ARHGAP28: variants seen among roughly 807,000 people sequenced by gnomAD.
ARHGAP28 encodes rho GTPase-activating protein 28.
ARHGAP28 carries 56 observed loss-of-function variants against 90.7 expected under a neutral mutation model. The observed-to-expected ratio is 0.62, with a 90% CI of 0.50 to 0.77. ARHGAP28 has a LOEUF of 0.77. Ranked by LOEUF, ARHGAP28 falls within the 30% of genes least tolerant of loss-of-function variation. The pLI is 0.00. For missense variants in ARHGAP28, 869 were observed against 900.9 expected (o/e 0.96, Z 0.45); for synonymous variants, 308 against 323.3 (o/e 0.95, Z 0.51).
chr18:6,805,751 C>T (rs2056514366), intron 1 of ARHGAP28, among the ~76,000 whole-genome samples: 1 of 152,022 alleles, frequency 6.6e-6, no homozygotes, highest in Admixed American at 6.6e-5. Flanking sequence ...CTCCTAAGTG[C>T]TGGGATTACT....
chr18:6,772,246 A>C (rs2056248715), intron 1 of ARHGAP28, among the ~76,000 whole-genome samples: 1 of 152,224 alleles, frequency 6.6e-6, no homozygotes. Flanking sequence ...TCATTTGTAC[A>C]TTAACCATCT....
At chr18:6,757,984 C>G (rs2143306372) in intron 1 of ARHGAP28, among the ~76,000 whole-genome samples, 1 of 152,268 alleles carries the variant, frequency 6.6e-6, no homozygotes, top group South Asian at 2.1e-4. Context: ...CATTCCTAAG[C>G]CGAGCTATAA....
chr18:6,830,946 T>C (rs1444712105), intron 2 of ARHGAP28, among the ~76,000 whole-genome samples: 1 of 152,206 alleles, frequency 6.6e-6, no homozygotes, highest in East Asian at 1.9e-4. Context: ...TATGTTTTTA[T>C]TTCTCTTGGA....
chr18:6,783,663 A>C (rs1013124267), intron 1 of ARHGAP28, among the ~76,000 whole-genome samples: 1 of 151,980 alleles, frequency 6.6e-6, no homozygotes, highest in Non-Finnish European at 1.5e-5. Flanking sequence ...GTTCACTCTT[A>C]CTCTCCTACA....
intron 1 of ARHGAP28, among the ~76,000 whole-genome samples, chr18:6,754,264 C>T (rs1391155910): frequency 1.3e-5 from 2 of 152,172 alleles, no homozygotes; most frequent in African/African-American, 2.4e-5. Flanking sequence ...AATCCAACAA[C>T]TATTATGGCA....
At chr18:6,782,592 ATTTTTTTTTTTTTTTTT>A (rs10602816) in intron 1 of ARHGAP28, among the ~76,000 whole-genome samples, 147 of 26,694 alleles carry the variant, frequency 5.5e-3, no homozygotes, top group African/African-American at 0.013. Flanking sequence ...TAATTTTTGT[ATTTTTTTTTTTTTTTTT>A]TTTTTTTTTT....
chr18:6,859,876 G>T lies in ARHGAP28; in HGVS notation c.705G>T (p.Ala235=), dbSNP rs139585259. 1.9e-6 allele frequency: 3 copies of T among 1,614,014 alleles called. No homozygotes were observed. The African/African-American group carries it at 4.0e-5, about 22-fold the overall frequency. ...CCCAGGATAAAGAAGGGAGTTTTGC[G>T]GTTCCCAGGAGTGACTCTGTGGTAA... ...DASQDKEGSF[A]VPRSDSVAIL... The change falls in exon 5 of 18, where the codon GCG becomes GCT. Residue 235 remains alanine (A), a synonymous_variant. Transcript: ENST00000383472.
chr18:6,755,466 C>T (rs924790609), intron 1 of ARHGAP28, among the ~76,000 whole-genome samples: 8 of 152,014 alleles, frequency 5.3e-5, no homozygotes, highest in African/African-American at 9.7e-5. Flanking sequence ...AAAGGAGAAA[C>T]GGGGAAAAGC....
At chr18:6,890,247 AAC>A (rs2143722384) in intron 13 of ARHGAP28, among the ~76,000 whole-genome samples, 162 bp downstream of exon 13, 1 of 152,332 alleles carries the variant, frequency 6.6e-6, no homozygotes, top group East Asian at 1.9e-4. Context: ...GCTGCTCTTC[AAC>A]ACAGTTTCCC....
chr18:6,770,364 G>T (rs987961801), intron 1 of ARHGAP28, among the ~76,000 whole-genome samples: 3 of 152,216 alleles, frequency 2.0e-5, no homozygotes, highest in Non-Finnish European at 4.4e-5. Context: ...GATTAAATCT[G>T]TCAATAATCT....
In ARHGAP28 at chr18:6,873,623, G is replaced by A. The variant is rs374835410; in HGVS notation, c.1120+49G>A. 9.2e-4 allele frequency: 1,477 copies of A among 1,608,378 alleles called. 3 individuals carry two copies. Among genetic ancestry groups the A allele is most frequent in the Non-Finnish European group, 1.1e-3 (1,353 of 1,177,504 alleles). On this transcript the variant is annotated intron_variant, in intron 8 of 17. Transcript: ENST00000383472. ...CTGGCTTTAACACTTTGACACAGTG[G>A]AATAAGATAATGCTTTTCTAATTCT...
chr18:6,887,523 C>G (rs2017814), intron 12 of ARHGAP28, among the ~76,000 whole-genome samples: 33,134 of 151,406 alleles, frequency 0.22, 4,265 homozygotes, highest in Non-Finnish European at 0.29. Flanking sequence ...GTTGACTTCC[C>G]AGGGCCAGGT....
At chr18:6,828,225 CCTGCAATCGCAGGCACTCG>C (rs2056689018) in intron 2 of ARHGAP28, among the ~76,000 whole-genome samples, 2 of 152,314 alleles carry the variant, frequency 1.3e-5, no homozygotes, top group South Asian at 4.1e-4. Flanking sequence ...GCGGCACGCG[CCTGCAATCGCAGGCACTCG>C]GCAGGCCCAG....
rs758170033 is a variant in ARHGAP28, at chr18:6,889,942, A to T, written c.1591A>T (p.Ser531Cys). The T allele has an allele frequency of 6.2e-7, 1 of 1,614,226 alleles. No homozygotes were observed. Among genetic ancestry groups the T allele is most frequent in the Non-Finnish European group, 8.5e-7 (1 of 1,180,038 alleles). ...TGCCAATGAATCAAAAAACCGAATG[A>T]GTCTGTGGAACATTTCTACAGTGAT... ...VIANESKNRM[S>C]LWNISTVMAP... Residue 531 changes from serine to cysteine, a missense_variant, in exon 13 of 18, where the codon AGT (serine) becomes TGT (cysteine). Ser to Cys is a moderately radical substitution (Grantham distance 112). Transcript: ENST00000383472.
At chr18:6,730,200 C>T in intron 1 of ARHGAP28, 3 of 236,740 alleles carry the variant, frequency 1.3e-5, no homozygotes, top group Admixed American at 7.4e-5. Context: ...ATTCTTGATA[C>T]GATTTGAGGA....
rs1423538588 is a variant in ARHGAP28, at chr18:6,841,179, TCCTCTCTCTCTCTCTCTCTCTCTC to T, written c.543+3767_543+3790del. 1.2e-4 allele frequency among the ~76,000 whole-genome samples: 8 copies of T among 67,330 alleles called. 1 individual carries two copies. The highest frequency in any genetic ancestry group is 1.3e-3 in the South Asian group (2 of 1,568). 44.2% of individuals were successfully genotyped at this position (67,330 alleles called of 152,430 possible). ...TCTTTCTCTCTCTCCTCTCTCTCTC[TCCTCTCTCTCTCTCTCTCTCTCTC>T]CTCTCCTCTCTCTCTCTCTCCCCCC... On this transcript the variant is annotated intron_variant, in intron 3 of 17. Coordinates refer to ENST00000383472, the MANE Select transcript of ARHGAP28 (RefSeq NM_001366230.1).
At chr18:6,839,848 C>G (rs906920362) in intron 3 of ARHGAP28, among the ~76,000 whole-genome samples, 1 of 152,178 alleles carries the variant, frequency 6.6e-6, no homozygotes, top group Non-Finnish European at 1.5e-5. Flanking sequence ...GTTCATTTGA[C>G]TTATGATGTG....
intron 16 of ARHGAP28, among the ~76,000 whole-genome samples, chr18:6,899,320 C>T (rs969198345): frequency 6.6e-6 from 1 of 152,086 alleles, no homozygotes; most frequent in Non-Finnish European, 1.5e-5. Flanking sequence ...AAAGAAGAGG[C>T]CTTGAGAAAT....
At chr18:6,783,062 A>G (rs1401661861) in intron 1 of ARHGAP28, among the ~76,000 whole-genome samples, 1 of 152,122 alleles carries the variant, frequency 6.6e-6, no homozygotes, top group Non-Finnish European at 1.5e-5. Flanking sequence ...TGTTTCTCCA[A>G]GAGAACCTGT....
Sources: gnomAD v4.1 joint callset for allele counts (sites outside exome capture counted in the v4.1 genomes callset) on GRCh38, gnomAD v4.1.1 for gene constraint, MANE v1.5 for transcripts, NCBI Gene and HGNC (gene_info 2026-07-23, HGNC 2026-07-21) for gene names.